MID1: variants seen among roughly 807,000 people sequenced by gnomAD.
MID1 encodes the protein E3 ubiquitin-protein ligase Midline-1.
MID1 carries 7 observed loss-of-function variants against 40.4 expected under a neutral mutation model. The ratio of observed to expected loss-of-function variants is 0.17; its 90% CI spans 0.10 to 0.33. The LOEUF (loss-of-function observed/expected upper bound fraction) is 0.33, where lower values mean the gene tolerates loss of function less well. MID1 is among the 10% of genes least tolerant of loss of function. The probability of loss-of-function intolerance (pLI) is 1.00; values close to 1 mark genes in which losing one functional copy is unlikely to be tolerated. For missense variants in MID1, 367 were observed against 558.5 expected, an observed-to-expected ratio of 0.66 and a Z score of 3.46; for synonymous variants, 229 against 221.2, an observed-to-expected ratio of 1.04 and a Z score of -0.31.
chrX:10,549,989 G>T (rs745498892), intron 2 of MID1, among the ~76,000 whole-genome samples: 1 of 112,867 alleles, frequency 8.9e-6, no homozygotes, highest in East Asian at 2.8e-4. Flanking sequence ...GACTTGAGGA[G>T]TTTAGAATCC....
At chrX:10,647,340 A>G (rs1470837917) in intron 1 of MID1, among the ~76,000 whole-genome samples, 4 of 111,607 alleles carry the variant, frequency 3.6e-5, no homozygotes, top group Non-Finnish European at 7.5e-5. Context: ...CCCATTCTAT[A>G]GAAGGGGAAT....
intron 2 of MID1, among the ~76,000 whole-genome samples, chrX:10,552,542 T>C (rs983575843): frequency 6.3e-5 from 7 of 111,319 alleles, no homozygotes; most frequent in African/African-American, 2.3e-4. Flanking sequence ...TAATTAATAA[T>C]ACAATAAATA....
chrX:10,586,669 G>T (rs1362564247), intron 1 of MID1, among the ~76,000 whole-genome samples: 1 of 111,876 alleles, frequency 8.9e-6, no homozygotes, highest in Non-Finnish European at 1.9e-5. Context: ...AGCATGGGGG[G>T]ACTTTATGTT....
chrX:10,498,592 T>C (rs1484517346), intron 3 of MID1, among the ~76,000 whole-genome samples: 1 of 112,205 alleles, frequency 8.9e-6, no homozygotes, highest in African/African-American at 3.2e-5. Context: ...CCATAATGTG[T>C]GCAGTCACTC....
At chrX:10,532,565 GA>G (rs1933012269) in intron 2 of MID1, among the ~76,000 whole-genome samples, 1 of 111,425 alleles carries the variant, frequency 9.0e-6, no homozygotes, top group South Asian at 3.8e-4. Context: ...TAAAACAAAA[GA>G]GGCAATCTAC....
chrX:10,688,508 G>A (rs992397233), intron 1 of MID1, among the ~76,000 whole-genome samples: 2 of 111,264 alleles, frequency 1.8e-5, no homozygotes, highest in East Asian at 2.8e-4. Context: ...TTTTGTCTAC[G>A]GTACTCACAC....
chrX:10,773,513 G>A (rs1383287380), intron 1 of MID1, among the ~76,000 whole-genome samples: 1 of 112,128 alleles, frequency 8.9e-6, no homozygotes, highest in Admixed American at 9.5e-5. Flanking sequence ...CTTAGCTTTC[G>A]TTCCACTGAT....
intron 1 of MID1, among the ~76,000 whole-genome samples, chrX:10,585,130 T>G: frequency 9.0e-6 from 1 of 111,419 alleles, no homozygotes. Context: ...CAGGCTTGGG[T>G]CAGGCAGGCC....
Position 10,448,583 on chromosome X carries a change from T to C in MID1, c.*785A>G, listed in dbSNP as rs1928138968. On this transcript the variant is annotated 3_prime_UTR_variant, in exon 10 of 10. Coordinates refer to ENST00000317552, the MANE Select transcript of MID1 (RefSeq NM_000381.4). Reference sequence around the variant, plus strand: ...ATAAAAGACAAATCAGCCTGAATTTTTGAATAATCAATAGGATTCAAAATG... The same window carrying C: ...ATAAAAGACAAATCAGCCTGAATTTCTGAATAATCAATAGGATTCAAAATG... The C allele has an allele frequency of 8.9e-6, 1 of 112,309 alleles. No homozygotes were observed. Among genetic ancestry groups the C allele is most frequent in the South Asian group, 3.7e-4 (1 of 2,696 alleles). The allele number at this position is 112,309 out of a possible 1,213,427, so 9.3% of individuals were successfully genotyped here.
intron 1 of MID1, among the ~76,000 whole-genome samples, chrX:10,759,844 T>TA (rs1277929996): frequency 8.9e-6 from 1 of 111,893 alleles, no homozygotes; most frequent in Non-Finnish European, 1.9e-5. Flanking sequence ...TACAAACAGA[T>TA]ACAAAAAATT....
chrX:10,590,567 A>T (rs1196993967), intron 1 of MID1, among the ~76,000 whole-genome samples: 1 of 111,694 alleles, frequency 9.0e-6, no homozygotes, highest in Non-Finnish European at 1.9e-5. Flanking sequence ...CAAGATTTAA[A>T]CTGTTTATTT....
intron 9 of MID1, among the ~76,000 whole-genome samples, chrX:10,452,332 A>G (rs1928393470): frequency 8.9e-6 from 1 of 112,380 alleles, no homozygotes; most frequent in African/African-American, 3.2e-5. Flanking sequence ...AGAGAGTAAG[A>G]AAATACTAAG....
intron 7 of MID1, among the ~76,000 whole-genome samples, chrX:10,463,369 A>G (rs1602255776): frequency 8.9e-6 from 1 of 111,749 alleles, no homozygotes; most frequent in Non-Finnish European, 1.9e-5. Flanking sequence ...AGAGACAGTA[A>G]AAGATTTTCT....
At chrX:10,774,179 G>A (rs1240223777) in intron 1 of MID1, among the ~76,000 whole-genome samples, 1 of 111,101 alleles carries the variant, frequency 9.0e-6, no homozygotes, top group Non-Finnish European at 1.9e-5. Context: ...AGAAGGAGGT[G>A]GACAGAGTTG....
chrX:10,610,546 C>T (rs997595766), intron 1 of MID1, among the ~76,000 whole-genome samples: 1 of 110,885 alleles, frequency 9.0e-6, no homozygotes, highest in African/African-American at 3.3e-5. Flanking sequence ...AGAAAAAAGC[C>T]AGGGTGAAGA....
intron 1 of MID1, among the ~76,000 whole-genome samples, chrX:10,654,025 T>C (rs2042852155): frequency 8.9e-6 from 1 of 112,247 alleles, no homozygotes; most frequent in African/African-American, 3.2e-5. Flanking sequence ...CAAATATTTA[T>C]AGGCAGCTTG....
intron 1 of MID1, among the ~76,000 whole-genome samples, chrX:10,575,958 C>T (rs191651895): frequency 1.4e-3 from 149 of 108,424 alleles, no homozygotes; most frequent in African/African-American, 4.8e-3. Context: ...TAACAGACAA[C>T]TAAGAATTTC....
At chrX:10,726,738 C>A (rs926890639) in intron 1 of MID1, among the ~76,000 whole-genome samples, 5 of 112,563 alleles carry the variant, frequency 4.4e-5, no homozygotes, top group African/African-American at 1.6e-4. Context: ...CCAACTTGAG[C>A]GTCCTGGTCC....
intron 1 of MID1, among the ~76,000 whole-genome samples, chrX:10,827,401 A>G (rs2044222670): frequency 9.1e-6 from 1 of 109,293 alleles, no homozygotes; most frequent in Non-Finnish European, 1.9e-5. Flanking sequence ...ACACCTGGTA[A>G]AACCACTCAA....
Sources: allele counts gnomAD v4.1 joint callset (sites outside exome capture counted in the v4.1 genomes callset), GRCh38; gene constraint gnomAD v4.1.1; transcripts MANE v1.5; gene names NCBI Gene and HGNC (gene_info 2026-07-23, HGNC 2026-07-21).